Variants in NME8 observed in about 807,000 individuals in gnomAD.
NME8 encodes the protein protein NME8.
NME8 carries 72 observed loss-of-function variants against 82.3 expected under a neutral mutation model. The ratio of observed to expected loss-of-function variants is 0.87; its 90% CI spans 0.72 to 1.06. The LOEUF (loss-of-function observed/expected upper bound fraction) is 1.06. Among genes scored for constraint, NME8 ranks in the 50% least tolerant of loss-of-function variants. The probability of loss-of-function intolerance (pLI) is 0.00; values close to 1 mark genes in which losing one functional copy is unlikely to be tolerated. For synonymous variants in NME8, 267 were observed against 228.5 expected (o/e 1.17, Z -1.52); for missense variants, 712 against 685.4 (o/e 1.04, Z -0.43).
At chr7:37,870,675 G>A (rs1158293859) in intron 11 of NME8, among the ~76,000 whole-genome samples, 1 of 152,062 alleles carries the variant, frequency 6.6e-6, no homozygotes, top group Non-Finnish European at 1.5e-5. Flanking sequence ...TGGGCTGCAG[G>A]TTGGACAAGC....
Position 37,850,615 on chromosome 7 carries a change from T to C in NME8, c.92-14T>C. On this transcript the variant is annotated splice_polypyrimidine_tract_variant and intron_variant, in intron 4 of 17. Coordinates refer to ENST00000199447, the MANE Select transcript of NME8 (RefSeq NM_016616.5). ...GGTAGACTTTGTTATTTCATAAATA[T>C]CATCATCTTCTAGTGATTGATGTTT... 6.3e-7 allele frequency: 1 copy of C among 1,578,156 alleles called. No individual in the cohort carries two copies. The highest frequency in any genetic ancestry group is 8.7e-7 in the Non-Finnish European group (1 of 1,147,228).
chr7:37,885,263 T>C lies in NME8; in HGVS notation c.1247+11T>C, dbSNP rs759543270. Reference sequence around the variant, plus strand: ...ATATTTTCCAGAGAGGTAGGATTCATACCATGGGTCACTATCTGTTTTCGT... The same window carrying C: ...ATATTTTCCAGAGAGGTAGGATTCACACCATGGGTCACTATCTGTTTTCGT... On this transcript the variant is annotated intron_variant, in intron 14 of 17. Coordinates refer to ENST00000199447, the MANE Select transcript of NME8 (RefSeq NM_016616.5). 5.8e-6 allele frequency: 9 copies of C among 1,539,414 alleles called. No homozygotes were observed. The highest frequency in any genetic ancestry group is 8.1e-6 in the Non-Finnish European group (9 of 1,112,402).
At chr7:37,875,973 C>T (rs140073762) in intron 11 of NME8, among the ~76,000 whole-genome samples, 2,480 of 151,958 alleles carry the variant, frequency 0.016, 72 homozygotes, top group African/African-American at 0.057. Context: ...TTTGGGAGGC[C>T]GAGACGGGCT....
intron 7 of NME8, 87 bp from the exon 8 acceptor site, chr7:37,863,309 T>C (rs531360183): frequency 1.3e-6 from 1 of 779,246 alleles, no homozygotes; most frequent in African/African-American, 1.7e-5. Context: ...CTATAAATAT[T>C]TACTAGATAC....
chr7:37,860,316 C>A (rs1431040091), intron 6 of NME8, among the ~76,000 whole-genome samples: 1 of 152,102 alleles, frequency 6.6e-6, no homozygotes, highest in African/African-American at 2.4e-5. Flanking sequence ...CTTTTCATCC[C>A]ATTAACTCCT....
chr7:37,887,709 G>A (rs1785065997), intron 14 of NME8, among the ~76,000 whole-genome samples: 1 of 152,118 alleles, frequency 6.6e-6, no homozygotes, highest in Non-Finnish European at 1.5e-5. Flanking sequence ...AATTTATAAA[G>A]AAAAGAGGTT....
At chr7:37,856,584 T>G (rs1013020029) in intron 5 of NME8, among the ~76,000 whole-genome samples, 1 of 152,172 alleles carries the variant, frequency 6.6e-6, no homozygotes, top group Non-Finnish European at 1.5e-5. Context: ...ATGGATACTA[T>G]GTTAATATGG....
At chr7:37,868,863 A>C (rs1317668546) in intron 11 of NME8, among the ~76,000 whole-genome samples, 8 of 152,234 alleles carry the variant, frequency 5.3e-5, no homozygotes, top group Admixed American at 5.2e-4. Flanking sequence ...AAAATATTAG[A>C]AAATGGATAT....
chr7:37,859,653 C>T (rs1045224453), intron 6 of NME8, among the ~76,000 whole-genome samples: 2 of 152,100 alleles, frequency 1.3e-5, no homozygotes, highest in Non-Finnish European at 2.9e-5. Context: ...TGTCATTTAC[C>T]GACCTTCAGA....
Position 37,876,004 on chromosome 7 carries a change from G to A in NME8, c.819-828G>A, listed in dbSNP as rs1583636703. Reference sequence around the variant, plus strand: ...GGGCTGATCACAAGGTCAGGAGATCGAGACCATCCTGGGCAACATGGTGAA... The same window carrying A: ...GGGCTGATCACAAGGTCAGGAGATCAAGACCATCCTGGGCAACATGGTGAA... On this transcript the variant is annotated intron_variant, in intron 11 of 17. Coordinates refer to ENST00000199447, the MANE Select transcript of NME8 (RefSeq NM_016616.5). Among the ~76,000 whole-genome samples, 4 of 152,062 alleles carry A rather than the reference G, an allele frequency of 2.6e-5. No homozygotes were observed. The South Asian group carries it at 6.2e-4, about 24-fold the overall frequency.
Position 37,851,394 on chromosome 7 carries a change from C to T in NME8, c.198+659C>T, listed in dbSNP as rs1175864665. 2.6e-5 allele frequency among the ~76,000 whole-genome samples: 4 copies of T among 152,074 alleles called. No individual in the cohort carries two copies. The East Asian group carries it at 7.7e-4, about 29-fold the overall frequency. Reference sequence around the variant, plus strand: ...GATACTCCATTGAGTTATTGTAAAACTTTTAAAATCTGGGATAACTTGAGT... The same window carrying T: ...GATACTCCATTGAGTTATTGTAAAATTTTTAAAATCTGGGATAACTTGAGT... On this transcript the variant is annotated intron_variant, in intron 5 of 17. Transcript: ENST00000199447.
At chr7:37,879,053 C>T (rs912538877) in intron 12 of NME8, among the ~76,000 whole-genome samples, 2 of 152,050 alleles carry the variant, frequency 1.3e-5, no homozygotes, top group East Asian at 1.9e-4. Context: ...CCCTGGCAAC[C>T]ACTGATCCTT....
intron 11 of NME8, 61 bp from the exon 12 acceptor site, chr7:37,876,771 G>A (rs1466737462): frequency 8.3e-7 from 1 of 1,206,498 alleles, no homozygotes; most frequent in African/African-American, 1.5e-5. Context: ...GATTTAATTT[G>A]TTGGCATGGT....
At chr7:37,887,655 C>G (rs761722918) in intron 14 of NME8, among the ~76,000 whole-genome samples, 4 of 152,148 alleles carry the variant, frequency 2.6e-5, no homozygotes, top group Admixed American at 6.5e-5. Context: ...GCATCTATAT[C>G]AGTCTGTTCT....
Position 37,850,642 on chromosome 7 carries a change from C to T in NME8, c.105C>T (p.Tyr35=). Residue 35 remains tyrosine (Y), a synonymous_variant, in exon 5 of 18, where the codon TAC becomes TAT. Coordinates refer to ENST00000199447, the MANE Select transcript of NME8 (RefSeq NM_016616.5). ...ATCATCTTCTAGTGATTGATGTTTA[C>T]CAAGCCTGGTGTGGACCTTGCAGAG... ...QNKGLTVIDV[Y]QAWCGPCRAM... The T allele has an allele frequency of 6.2e-7, 1 of 1,610,172 alleles. No individual in the cohort carries two copies. The highest frequency in any genetic ancestry group is 8.5e-7 in the Non-Finnish European group (1 of 1,176,382).
intron 12 of NME8, among the ~76,000 whole-genome samples, chr7:37,883,626 C>T (rs755811199): frequency 6.6e-6 from 1 of 152,144 alleles, no homozygotes; most frequent in South Asian, 2.1e-4. Flanking sequence ...GTCCCTCAAA[C>T]ATTCAAAAGC....
chr7:37,892,942 G>A (rs117571447), intron 15 of NME8, among the ~76,000 whole-genome samples: 6,124 of 151,848 alleles, frequency 0.04, 274 homozygotes, highest in Admixed American at 0.13. Context: ...TTCTTTAACA[G>A]GGGAATAAAT....
At chr7:37,867,933 A>G in intron 11 of NME8, 35 bp downstream of exon 11, 1 of 1,585,216 alleles carries the variant, frequency 6.3e-7, no homozygotes, top group African/African-American at 1.3e-5. Context: ...GTTACTTGCA[A>G]TGTGTTATTG....
chr7:37,873,407 A>G (rs940084773), intron 11 of NME8, among the ~76,000 whole-genome samples: 1 of 151,894 alleles, frequency 6.6e-6, no homozygotes, highest in African/African-American at 2.4e-5. Flanking sequence ...ACCTTTGAAT[A>G]TATAAACATA....
Sources: allele counts gnomAD v4.1 joint callset (sites outside exome capture counted in the v4.1 genomes callset), GRCh38; gene constraint gnomAD v4.1.1; transcripts MANE v1.5; gene names NCBI Gene and HGNC (gene_info 2026-07-23, HGNC 2026-07-21).